PRKCA: variants seen among roughly 807,000 people sequenced by gnomAD.
PRKCA encodes protein kinase C alpha type.
PRKCA carries 27 observed loss-of-function variants against 87.0 expected under a neutral mutation model. The observed-to-expected ratio is 0.31, with a 90% CI of 0.23 to 0.43. PRKCA has a LOEUF of 0.43. Ranked by LOEUF, PRKCA falls within the 20% of genes least tolerant of loss-of-function variation. The pLI, the probability that PRKCA is intolerant of heterozygous loss-of-function variation, is 1.00. For missense variants in PRKCA, 518 were observed against 852.3 expected (o/e 0.61, Z 4.88); for synonymous variants, 329 against 311.1 (o/e 1.06, Z -0.61).
At chr17:66,366,240 TAAAG>T (rs895299115) in intron 2 of PRKCA, among the ~76,000 whole-genome samples, 1 of 152,078 alleles carries the variant, frequency 6.6e-6, no homozygotes, top group Non-Finnish European at 1.5e-5. Flanking sequence ...TTACAGTACT[TAAAG>T]GAAAAAAAAT....
chr17:66,336,572 C>A (rs1003711471), intron 2 of PRKCA, among the ~76,000 whole-genome samples: 1 of 123,384 alleles, frequency 8.1e-6, no homozygotes, highest in Admixed American at 7.7e-5. Flanking sequence ...TGCTCTTTTT[C>A]CCCCTCTCCT....
intron 14 of PRKCA, among the ~76,000 whole-genome samples, chr17:66,781,713 T>C (rs1222973368): frequency 1.3e-5 from 2 of 151,978 alleles, no homozygotes; most frequent in East Asian, 3.9e-4. Context: ...ATGGGGAGTC[T>C]CTTTTGTGAG....
At chr17:66,664,655 T>G (rs1971998723) in intron 5 of PRKCA, among the ~76,000 whole-genome samples, 3 of 139,934 alleles carry the variant, frequency 2.1e-5, no homozygotes, top group Admixed American at 7.1e-5. Flanking sequence ...TGGTTTTTTT[T>G]TTTTTTTTTT....
chr17:66,309,784 C>A (rs1025358606), intron 2 of PRKCA, among the ~76,000 whole-genome samples: 10 of 152,086 alleles, frequency 6.6e-5, no homozygotes, highest in African/African-American at 2.2e-4. Context: ...AGATCTAGTC[C>A]TTGCCCACTT....
intron 2 of PRKCA, among the ~76,000 whole-genome samples, chr17:66,460,856 A>G (rs1159590296): frequency 6.6e-6 from 1 of 152,176 alleles, no homozygotes; most frequent in African/African-American, 2.4e-5. Flanking sequence ...ATAAAACATC[A>G]GTATGTGGAG....
chr17:66,641,777 C>A (rs573166919), intron 4 of PRKCA, among the ~76,000 whole-genome samples: 247 of 151,436 alleles, frequency 1.6e-3, no homozygotes, highest in Non-Finnish European at 2.9e-3. Context: ...CCTAGTCAAA[C>A]CCCAAAGAAG....
intron 16 of PRKCA, among the ~76,000 whole-genome samples, chr17:66,801,167 C>G (rs993690101): frequency 6.6e-6 from 1 of 152,226 alleles, no homozygotes; most frequent in African/African-American, 2.4e-5. Flanking sequence ...AGTTTGGCTT[C>G]ATGTCTGCCC....
At chr17:66,371,535 T>C (rs1909106362) in intron 2 of PRKCA, among the ~76,000 whole-genome samples, 1 of 152,228 alleles carries the variant, frequency 6.6e-6, no homozygotes, top group African/African-American at 2.4e-5. Flanking sequence ...CTTCTAACTT[T>C]GTGATTCAGG....
At position 66,717,289 on chromosome 17, in the gene PRKCA, C is replaced by T. The variant is rs150937917; in HGVS notation, c.919-15399C>T. On this transcript the variant is annotated intron_variant, in intron 8 of 16. Coordinates refer to ENST00000413366, the MANE Select transcript of PRKCA (RefSeq NM_002737.3). Reference sequence around the variant, plus strand: ...CTCCTTTACTCACTTTTGCAGCTTTCGAGCTACAATGGCAGAGTTGGAGAG... The same window carrying T: ...CTCCTTTACTCACTTTTGCAGCTTTTGAGCTACAATGGCAGAGTTGGAGAG... 1.1e-3 allele frequency among the ~76,000 whole-genome samples: 162 copies of T among 152,276 alleles called. 1 individual carries two copies. The highest frequency in any genetic ancestry group is 3.7e-3 in the African/African-American group (155 of 41,574).
intron 2 of PRKCA, among the ~76,000 whole-genome samples, chr17:66,393,757 A>G (rs2143649374): frequency 6.6e-6 from 1 of 152,014 alleles, no homozygotes; most frequent in Middle Eastern, 3.4e-3. Flanking sequence ...GCCCTCCCTG[A>G]GGGTGAGGGT....
intron 2 of PRKCA, among the ~76,000 whole-genome samples, chr17:66,437,694 G>A (rs1274890401): frequency 8.3e-6 from 1 of 120,636 alleles, no homozygotes; most frequent in Non-Finnish European, 1.6e-5. Context: ...GGTCCCAGAA[G>A]CAACTGGGTA....
chr17:66,404,432 A>T (rs950880953), intron 2 of PRKCA, among the ~76,000 whole-genome samples: 31 of 152,210 alleles, frequency 2.0e-4, no homozygotes, highest in Non-Finnish European at 3.8e-4. Flanking sequence ...TACGCTGCCC[A>T]AAGTGCCAAG....
At chr17:66,607,738 C>T (rs141913733) in intron 3 of PRKCA, among the ~76,000 whole-genome samples, 11 of 152,056 alleles carry the variant, frequency 7.2e-5, no homozygotes, top group African/African-American at 1.7e-4. Context: ...TGTGGGGGGC[C>T]GGGGGCTCAT....
At chr17:66,764,763 C>G (rs1027746460) in intron 13 of PRKCA, among the ~76,000 whole-genome samples, 1 of 152,218 alleles carries the variant, frequency 6.6e-6, no homozygotes, top group Non-Finnish European at 1.5e-5. Context: ...TTATGGGAAA[C>G]CAGATTGGCG....
intron 8 of PRKCA, among the ~76,000 whole-genome samples, chr17:66,725,810 GAA>G (rs34462337): frequency 1.3e-3 from 179 of 142,818 alleles, no homozygotes; most frequent in Admixed American, 2.2e-3. Context: ...ACCCTGTCTA[GAA>G]AAAAAAAAAA....
At position 66,348,401 on chromosome 17, in the gene PRKCA, C is replaced by T. The variant is rs532585438; in HGVS notation, c.205+42274C>T. ...ACTCAGGCTAAGGTTCCTGCTGTCA[C>T]ACCACCATTGCTCTTGCACCATCAG... is the stretch of plus-strand genomic sequence containing the variant. On this transcript the variant is annotated intron_variant, in intron 2 of 16. Transcript: ENST00000413366. Among the ~76,000 whole-genome samples, 34 of 152,304 alleles carry T rather than the reference C, an allele frequency of 2.2e-4. 1 individual carries two copies. The highest frequency in any genetic ancestry group is 7.9e-4 in the African/African-American group (33 of 41,562).
chr17:66,304,996 A>G (rs898736369), intron 1 of PRKCA, among the ~76,000 whole-genome samples: 1 of 152,166 alleles, frequency 6.6e-6, no homozygotes, highest in African/African-American at 2.4e-5. Flanking sequence ...TCTTTCCACT[A>G]TCAGTTGCCC....
rs1013242064 is a variant in PRKCA at position 66,689,200 on chromosome 17, C to T, written c.918+153C>T. ...TTTATTTAAAAACATGAATGTTGTT[C>T]GTTCCCTTTCCTTTGCAAGCTGTTG... On this transcript the variant is annotated intron_variant, in intron 8 of 16. Coordinates refer to ENST00000413366, the MANE Select transcript of PRKCA (RefSeq NM_002737.3). The surrounding 1 kb of genome is among the most constrained non-coding windows in gnomAD (Gnocchi z 4.1). Among the ~76,000 whole-genome samples, 7 of 152,038 alleles carry T rather than the reference C, an allele frequency of 4.6e-5. No individual in the cohort carries two copies. Among genetic ancestry groups the T allele is most frequent in the East Asian group, 1.9e-4 (1 of 5,198 alleles).
At chr17:66,701,496 A>T (rs1032304148) in intron 8 of PRKCA, among the ~76,000 whole-genome samples, 31 of 152,172 alleles carry the variant, frequency 2.0e-4, no homozygotes, top group African/African-American at 7.0e-4. Context: ...AAGGAAACAA[A>T]GCAACAAAAT....
Sources: gnomAD v4.1 joint callset for allele counts (sites outside exome capture counted in the v4.1 genomes callset) on GRCh38, gnomAD v4.1.1 for gene constraint, Gnocchi (gnomAD v3.1) non-coding constraint, MANE v1.5 for transcripts, NCBI Gene and HGNC (gene_info 2026-07-23, HGNC 2026-07-21) for gene names.